The following NEDD8 variants were observed in gnomAD, a reference collection of about 807,000 sequenced individuals.
The protein encoded by NEDD8 is NEDD8 ubiquitin like modifier, also known as ubiquitin-like protein NEDD8.
NEDD8 carries 1 observed loss-of-function variant against 13.8 expected under a neutral mutation model. The ratio of observed to expected loss-of-function variants is 0.07; its 90% CI spans 0.03 to 0.34. The LOEUF (loss-of-function observed/expected upper bound fraction) is 0.34. Among genes scored for constraint, NEDD8 ranks in the 10% least tolerant of loss-of-function variants. The pLI is 0.99. For synonymous variants in NEDD8, 31 were observed against 33.2 expected, an observed-to-expected ratio of 0.93 and a Z score of 0.23; for missense variants, 10 against 95.2, an observed-to-expected ratio of 0.10 and a Z score of 3.73.
Position 24,232,179 on chromosome 14 carries a change from C to T in NEDD8, c.18+71G>A, listed in dbSNP as rs1254298986. ...TAGGGAAAGGCGTGGTTTTCCTTCCCCACGTCTCCCGTAAGGCACTGCTGC... is the reference window on the plus strand; with the variant it reads ...TAGGGAAAGGCGTGGTTTTCCTTCCTCACGTCTCCCGTAAGGCACTGCTGC... On this transcript the variant is annotated intron_variant, in intron 1 of 3. Coordinates refer to ENST00000250495, the MANE Select transcript of NEDD8 (RefSeq NM_006156.3). The T allele has an allele frequency of 6.2e-6, 10 of 1,610,044 alleles. No individual in the cohort carries two copies. In the East Asian group the frequency reaches 1.3e-4, roughly 22 times the overall value.
At chr14:24,232,160 A>G in intron 1 of NEDD8, 90 bp downstream of exon 1, 1 of 1,599,472 alleles carries the variant, frequency 6.3e-7, no homozygotes, top group Non-Finnish European at 8.5e-7. Flanking sequence ...AGGCTAGGGA[A>G]AGGCGTGGTT....
At position 24,232,348 on chromosome 14, in the gene NEDD8, T is replaced by A. The variant is rs796357963; in HGVS notation, c.-81A>T. Reference sequence around the variant, plus strand: ...CGCCGCTGCCGCCCTCCAGCACTCTTGCCTGCAAGGGCCACTTCTACTTCC... The same window carrying A: ...CGCCGCTGCCGCCCTCCAGCACTCTAGCCTGCAAGGGCCACTTCTACTTCC... On this transcript the variant is annotated 5_prime_UTR_variant, in exon 1 of 4. Transcript: ENST00000250495. 3.3e-6 allele frequency: 5 copies of A among 1,524,086 alleles called. No individual in the cohort carries two copies. Among genetic ancestry groups the A allele is most frequent in the Admixed American group, 1.8e-5 (1 of 56,704 alleles). 94.4% of individuals were successfully genotyped at this position (1,524,086 alleles called of 1,614,324 possible).
intron 1 of NEDD8, among the ~76,000 whole-genome samples, chr14:24,221,167 A>G (rs1027990106): frequency 2.0e-5 from 3 of 152,226 alleles, no homozygotes; most frequent in African/African-American, 7.2e-5. Context: ...ATTTTCATGA[A>G]ACTAAATATA....
At chr14:24,220,734 GA>G (rs1003788496) in intron 1 of NEDD8, among the ~76,000 whole-genome samples, 1 of 152,144 alleles carries the variant, frequency 6.6e-6, no homozygotes, top group African/African-American at 2.4e-5. Context: ...TTATAGATGA[GA>G]AAAATAAGCC....
chr14:24,220,078 G>T (rs374210405), intron 1 of NEDD8, among the ~76,000 whole-genome samples: 3 of 152,346 alleles, frequency 2.0e-5, no homozygotes, highest in East Asian at 1.9e-4. Context: ...GGCAGAAGTT[G>T]CGGTGAGCTG....
intron 1 of NEDD8, among the ~76,000 whole-genome samples, chr14:24,225,018 G>A (rs575351330): frequency 9.9e-5 from 15 of 152,122 alleles, no homozygotes; most frequent in African/African-American, 3.6e-4. Flanking sequence ...AATTAGTCAG[G>A]CATGGTGGCG....
At chr14:24,230,528 C>CT (rs1298063484) in intron 1 of NEDD8, among the ~76,000 whole-genome samples, 1 of 51,690 alleles carries the variant, frequency 1.9e-5, no homozygotes, top group Non-Finnish European at 3.8e-5. Flanking sequence ...GAGCGAGACT[C>CT]TGTCTCAAAA....
Position 24,216,950 on chromosome 14 carries a change from G to C in NEDD8, c.*177C>G, listed in dbSNP as rs2039711752. ...ACTGCAAACTAACACCCAGTAGCCA[G>C]CAAGGGCCCTCTGGGCCAGGAATAC... On this transcript the variant is annotated 3_prime_UTR_variant, in exon 4 of 4. Transcript: ENST00000250495. The C allele has an allele frequency of 1.7e-6, 1 of 598,122 alleles. No individual in the cohort carries two copies. Among genetic ancestry groups the C allele is most frequent in the East Asian group, 2.9e-5 (1 of 34,834 alleles). 37.1% of individuals were successfully genotyped at this position (598,122 alleles called of 1,614,324 possible). A position where few individuals can be genotyped will look rare whatever the true frequency, so the allele number is the denominator to read the frequency against.
In NEDD8 at chr14:24,230,534, C is replaced by CAAAA. The variant is rs1181616079; in HGVS notation, c.18+1712_18+1715dup. Among the ~76,000 whole-genome samples, 13 of 65,024 alleles carry CAAAA rather than the reference C, an allele frequency of 2.0e-4. 1 individual carries two copies. Among genetic ancestry groups the CAAAA allele is most frequent in the South Asian group, 7.1e-4 (1 of 1,410 alleles). The allele number at this position is 65,024 out of a possible 152,430, so 42.7% of individuals were successfully genotyped here. A position where few individuals can be genotyped will look rare whatever the true frequency, so the allele number is the denominator to read the frequency against. On this transcript the variant is annotated intron_variant, in intron 1 of 3. Coordinates refer to ENST00000250495, the MANE Select transcript of NEDD8 (RefSeq NM_006156.3). Reference sequence around the variant, plus strand: ...TGGGCGACAGAGCGAGACTCTGTCTCAAAAAAAAAAAAAAAAAAAATCATA... The same window carrying CAAAA: ...TGGGCGACAGAGCGAGACTCTGTCTCAAAAAAAAAAAAAAAAAAAAAAAATCATA...
At chr14:24,225,074 C>T (rs1369475812) in intron 1 of NEDD8, among the ~76,000 whole-genome samples, 1 of 148,866 alleles carries the variant, frequency 6.7e-6, no homozygotes, top group Non-Finnish European at 1.5e-5. Flanking sequence ...CACGAGAATA[C>T]AAGAATCACT....
intron 1 of NEDD8, chr14:24,227,533 A>C (rs2039911891): frequency 1.3e-5 from 2 of 152,220 alleles, no homozygotes; most frequent in South Asian, 2.1e-4. Flanking sequence ...CAAAAATCAA[A>C]CAGAAAGAGC....
chr14:24,223,726 G>GA (rs1176882280), intron 1 of NEDD8, among the ~76,000 whole-genome samples: 13,461 of 138,572 alleles, frequency 0.097, 1,713 homozygotes, highest in African/African-American at 0.3. Context: ...TTCTTTTTTG[G>GA]AAAAAAAAAA....
intron 1 of NEDD8, among the ~76,000 whole-genome samples, chr14:24,229,619 G>C (rs141881563): frequency 1.3e-5 from 2 of 152,324 alleles, no homozygotes; most frequent in Non-Finnish European, 2.9e-5. Flanking sequence ...AAGTCTGAGA[G>C]CATATCACAA....
intron 1 of NEDD8, among the ~76,000 whole-genome samples, chr14:24,230,704 C>T (rs183807223): frequency 2.2e-4 from 33 of 150,960 alleles, no homozygotes; most frequent in Non-Finnish European, 4.1e-4. Context: ...CTGCAATCTC[C>T]GCCTCCCAGG....
intron 3 of NEDD8, 183 bp downstream of exon 3, chr14:24,217,950 A>G (rs1017363670): frequency 3.6e-6 from 2 of 551,864 alleles, no homozygotes; most frequent in African/African-American, 1.9e-5. Context: ...TTAATTCTAT[A>G]TATTTTGTTT....
At chr14:24,229,454 G>A (rs1199526605) in intron 1 of NEDD8, among the ~76,000 whole-genome samples, 1 of 152,080 alleles carries the variant, frequency 6.6e-6, no homozygotes, top group Non-Finnish European at 1.5e-5. Context: ...TCCTGACCTC[G>A]TGATCCGCCC....
At chr14:24,229,861 AAG>A (rs2039960436) in intron 1 of NEDD8, among the ~76,000 whole-genome samples, 2 of 152,266 alleles carry the variant, frequency 1.3e-5, no homozygotes, top group South Asian at 4.1e-4. Flanking sequence ...TCACTAGGTC[AAG>A]AGATCGATAC....
chr14:24,231,990 A>AC (rs2040042744), intron 1 of NEDD8: 3 of 504,810 alleles, frequency 5.9e-6, no homozygotes, highest in South Asian at 3.0e-5. Flanking sequence ...GACAAAAGCG[A>AC]CCCCATTCTG....
Position 24,217,142 on chromosome 14 carries a change from A to C in NEDD8, c.231T>G (p.Gly77=). 6.2e-7 allele frequency: 1 copy of C among 1,612,702 alleles called. No homozygotes were observed. The highest frequency in any genetic ancestry group is 8.5e-7 in the Non-Finnish European group (1 of 1,179,476). Residue 77 remains glycine (G), a synonymous_variant, in exon 4 of 4, where the codon GGT becomes GGG. Coordinates refer to ENST00000250495, the MANE Select transcript of NEDD8 (RefSeq NM_006156.3). ...LHLVLALRGG[G]GLRQ ...GGAGGGTCCATCACTGCCTAAGACC[A>C]CCTCCTCCTCTCAGAGCCAACACCA...
Sources: gnomAD v4.1 joint callset for allele counts (sites outside exome capture counted in the v4.1 genomes callset) on GRCh38, gnomAD v4.1.1 for gene constraint, MANE v1.5 for transcripts, NCBI Gene and HGNC (gene_info 2026-07-23, HGNC 2026-07-21) for gene names.